The following TAF1 variants were observed in gnomAD, a reference collection of about 807,000 sequenced individuals.
The protein encoded by TAF1 is TATA-box binding protein associated factor 1.
Under a neutral mutation model 138.5 loss-of-function variants are expected in TAF1, and 2 were observed. The observed-to-expected ratio is 0.01, with a 90% CI of 0.01 to 0.05. The LOEUF is 0.05. TAF1 is among the 10% of genes least tolerant of loss of function. The probability of loss-of-function intolerance (pLI) is 1.00; values close to 1 mark genes in which losing one functional copy is unlikely to be tolerated. For missense variants in TAF1, 709 were observed against 1,478.0 expected (o/e 0.48, Z 8.53); for synonymous variants, 437 against 503.2 (o/e 0.87, Z 1.76).
chrX:71,426,874 T>A (rs1032055969), intron 32 of TAF1, among the ~76,000 whole-genome samples: 4 of 111,914 alleles, frequency 3.6e-5, no homozygotes, highest in African/African-American at 6.5e-5. Flanking sequence ...ATTGAAGGAA[T>A]GAAGCAGGGA....
chrX:71,436,142 G>C (rs1317498450), intron 32 of TAF1, among the ~76,000 whole-genome samples: 1 of 101,079 alleles, frequency 9.9e-6, no homozygotes, highest in African/African-American at 3.7e-5. Flanking sequence ...CCACCTCCTG[G>C]GCTCAAGCTG....
chrX:71,436,293 G>T (rs2148682906), intron 32 of TAF1, among the ~76,000 whole-genome samples: 1 of 100,379 alleles, frequency 1.0e-5, no homozygotes, highest in African/African-American at 3.7e-5. Flanking sequence ...TCGGCTCACT[G>T]CAAGCTCCAC....
intron 13 of TAF1, among the ~76,000 whole-genome samples, chrX:71,490,056 C>T (rs1488029794): frequency 9.0e-6 from 1 of 111,446 alleles, no homozygotes; most frequent in Non-Finnish European, 1.9e-5. Context: ...CCTCCACCCC[C>T]TCCACTTTCC....
At chrX:71,425,434 C>A (rs1031007894) in intron 32 of TAF1, among the ~76,000 whole-genome samples, 1 of 111,187 alleles carries the variant, frequency 9.0e-6, no homozygotes, top group African/African-American at 3.3e-5. Context: ...GAGTTTGAGA[C>A]CAGCCTGGGC....
At chrX:71,516,539 G>C (rs2039828414) in intron 13 of TAF1, among the ~76,000 whole-genome samples, 1 of 108,887 alleles carries the variant, frequency 9.2e-6, no homozygotes, top group South Asian at 4.0e-4. Context: ...TACTTTGGGA[G>C]ATTGAGGTAG....
intron 25 of TAF1, among the ~76,000 whole-genome samples, chrX:71,403,951 T>A (rs2148458380): frequency 9.3e-6 from 1 of 106,976 alleles, no homozygotes; most frequent in African/African-American, 3.4e-5. Flanking sequence ...ATTTGAGAAC[T>A]TCCTTGCTTT....
chrX:71,401,866 G>A (rs2035189786), intron 25 of TAF1, 127 bp downstream of exon 25: 2 of 629,297 alleles, frequency 3.2e-6, no homozygotes, highest in East Asian at 3.4e-5. Context: ...TTTTGATGGC[G>A]TTTCCTCAGT....
Position 71,526,981 on chromosome X carries a change from G to T in TAF1, c.1367-1561G>T, listed in dbSNP as rs768768327. Reference sequence around the variant, plus strand: ...CACTTGAGTCCAGGATCCTCCCACTGCGATCCTCCTACCACACACCACCAT... The same window carrying T: ...CACTTGAGTCCAGGATCCTCCCACTTCGATCCTCCTACCACACACCACCAT... On this transcript the variant is annotated intron_variant and NMD_transcript_variant, in intron 13 of 14. Transcript: ENST00000373775. Among the ~76,000 whole-genome samples, 3 of 106,965 alleles carry T rather than the reference G, an allele frequency of 2.8e-5. No homozygotes were observed. In the Admixed American group the frequency reaches 3.0e-4, roughly 11 times the overall value. The allele number at this position is 106,965 out of a possible 115,157, so 92.9% of individuals were successfully genotyped here.
chrX:71,376,862 A>G (rs1364060269), intron 4 of TAF1, 88 bp from the exon 5 acceptor site: 1 of 1,138,433 alleles, frequency 8.8e-7, no homozygotes, highest in Non-Finnish European at 1.2e-6. Context: ...GCATTGAGCC[A>G]TGTGTATAGC....
intron 13 of TAF1, among the ~76,000 whole-genome samples, chrX:71,471,344 T>TAC (rs1423713606): frequency 3.4e-3 from 347 of 101,365 alleles, no homozygotes; most frequent in South Asian, 0.014. Flanking sequence ...TATATATATA[T>TAC]ATACACACAC....
In TAF1 at chrX:71,394,075, C is replaced by T. The variant is rs2034715998; in HGVS notation, c.3236C>T (p.Ser1079Leu). 18 of 1,207,962 alleles carry T rather than the reference C, an allele frequency of 1.5e-5. No individual in the cohort carries two copies. The highest frequency in any genetic ancestry group is 2.0e-5 in the Non-Finnish European group (18 of 894,037). Residue 1079 changes from serine to leucine, a missense_variant, in exon 22 of 38, where the codon TCA (serine) becomes TTA (leucine). Transcript: ENST00000423759. ...RIFDLQNKVL[S>L]STEVLSTDTD... ...GCTTTTTCTCTTTTTAGGGTTCTGT[C>T]ATCAACTGAAGTCTTATCAACTGAC...
chrX:71,507,024 C>G (rs1602876878), intron 13 of TAF1, among the ~76,000 whole-genome samples: 1 of 111,912 alleles, frequency 8.9e-6, no homozygotes, highest in East Asian at 2.8e-4. Context: ...ATAGATAAAT[C>G]TGTAGACAGA....
intron 7 of TAF1, 70 bp from the exon 8 acceptor site, chrX:71,378,754 G>A: frequency 9.4e-7 from 1 of 1,064,046 alleles, no homozygotes; most frequent in Non-Finnish European, 1.3e-6. Flanking sequence ...TATCTTTAAT[G>A]TGGAATTTGG....
At chrX:71,528,783 T>C in intron 14 of TAF1, 1 of 280,565 alleles carries the variant, frequency 3.6e-6, no homozygotes, top group Non-Finnish European at 6.8e-6. Context: ...GGCAGCAAGA[T>C]TTATTGTGAA....
chrX:71,378,147 G>A (rs2033616444), intron 6 of TAF1, 88 bp from the exon 7 acceptor site: 1 of 942,093 alleles, frequency 1.1e-6, no homozygotes, highest in Admixed American at 2.8e-5. Flanking sequence ...GTTTCTCTAA[G>A]TTCCCCTCCT....
chrX:71,455,067 G>C, intron 34 of TAF1: 1 of 1,150,374 alleles, frequency 8.7e-7, no homozygotes, highest in Non-Finnish European at 1.2e-6. Context: ...GCAGCTGTGG[G>C]ATGAATGAAT....
rs1486302165 is a variant in TAF1 at position 71,406,753 on chromosome X, A to G, written c.4107+7A>G. On this transcript the variant is annotated splice_region_variant and intron_variant, in intron 26 of 37. Coordinates refer to ENST00000423759, the MANE Select transcript of TAF1 (RefSeq NM_004606.5). The stretch of plus-strand genomic sequence containing the variant: ...TCACTGTGACTATTTGAATGTGAGT[A>G]TGTGCATTGCTTCCTTCTGATTAGG... 1 of 1,185,068 alleles carries G rather than the reference A, an allele frequency of 8.4e-7. No individual in the cohort carries two copies. The highest frequency in any genetic ancestry group is 1.8e-5 in the African/African-American group (1 of 56,338).
exon 15 of TAF1, chrX:71,529,929 C>T (rs920605985): frequency 1.7e-5 from 4 of 235,514 alleles, no homozygotes; most frequent in African/African-American, 1.2e-4. Flanking sequence ...AAAAAGTATC[C>T]TCATCTGGCA....
At chrX:71,508,086 C>CTCTATATATATATATATA (rs4040068) in intron 13 of TAF1, among the ~76,000 whole-genome samples, 3 of 92,181 alleles carry the variant, frequency 3.3e-5, no homozygotes, top group African/African-American at 1.3e-4. Flanking sequence ...CTCTCTCTCT[C>CTCTATATATATATATATA]TATATATATA....
Sources: gnomAD v4.1 joint callset for allele counts (sites outside exome capture counted in the v4.1 genomes callset) on GRCh38, gnomAD v4.1.1 for gene constraint, MANE v1.5 for transcripts, NCBI Gene and HGNC (gene_info 2026-07-23, HGNC 2026-07-21) for gene names.